Variants in LRSAM1 observed in about 807,000 individuals in gnomAD.
LRSAM1 encodes leucine rich repeat and sterile alpha motif containing 1, also known as E3 ubiquitin-protein ligase LRSAM1.
Under a neutral mutation model 118.1 loss-of-function variants are expected in LRSAM1, and 96 were observed. That is an observed-to-expected ratio of 0.81 (90% CI 0.69 to 0.96). The LOEUF (loss-of-function observed/expected upper bound fraction) is 0.96. LRSAM1 is among the 40% of genes least tolerant of loss of function. The pLI, the probability that LRSAM1 is intolerant of heterozygous loss-of-function variation, is 0.00. For synonymous variants in LRSAM1, 322 were observed against 364.2 expected, an observed-to-expected ratio of 0.88 and a Z score of 1.32; for missense variants, 804 against 915.5, an observed-to-expected ratio of 0.88 and a Z score of 1.57.
chr9:127,470,806 A>G lies in LRSAM1; in HGVS notation c.619+2976A>G, dbSNP rs1048334917. ...AGTCACCACAGAGCTTTGAACCAGC[A>G]CTGGTTCCTGGTCATGAGAGTGTGT... On this transcript the variant is annotated intron_variant, in intron 10 of 25. Transcript: ENST00000300417. 5.3e-5 allele frequency: 8 copies of G among 152,026 alleles called. 1 individual carries two copies. The highest frequency in any genetic ancestry group is 1.2e-4 in the Non-Finnish European group (8 of 67,936). 9.4% of individuals were successfully genotyped at this position (152,026 alleles called of 1,614,324 possible).
chr9:127,458,759 A>G (rs925909533), intron 6 of LRSAM1, among the ~76,000 whole-genome samples: 2 of 152,194 alleles, frequency 1.3e-5, no homozygotes, highest in African/African-American at 4.8e-5. Context: ...ATCTAGGCAT[A>G]CTGTTTTATA....
chr9:127,492,104 C>T (rs1835954910), intron 20 of LRSAM1, among the ~76,000 whole-genome samples: 1 of 152,204 alleles, frequency 6.6e-6, no homozygotes, highest in South Asian at 2.1e-4. Flanking sequence ...GTCTCAGGTG[C>T]ACCGCAGGTG....
At chr9:127,459,193 C>G (rs1281398909) in intron 7 of LRSAM1, 122 bp downstream of exon 7, 21 of 916,078 alleles carry the variant, frequency 2.3e-5, no homozygotes, top group East Asian at 2.5e-5. Flanking sequence ...AGTGCCAGCT[C>G]CACCCTCCCC....
rs2250271 is a variant in LRSAM1, at chr9:127,473,739, G to A, written c.620-62G>A. On this transcript the variant is annotated intron_variant, in intron 10 of 25. Coordinates refer to ENST00000300417, the MANE Select transcript of LRSAM1 (RefSeq NM_001005373.4). ...CCGGCTGCCCTGGCAGTGGGAGCGGGTGTCTCTGGGTACCTCAGCTGTCTC... is the reference window on the plus strand; with the variant it reads ...CCGGCTGCCCTGGCAGTGGGAGCGGATGTCTCTGGGTACCTCAGCTGTCTC... 158 of 1,612,592 alleles carry A rather than the reference G, an allele frequency of 9.8e-5. 1 individual carries two copies. Among genetic ancestry groups the A allele is most frequent in the Non-Finnish European group, 1.2e-4 (147 of 1,178,966 alleles).
rs1376461812 is a variant in LRSAM1, at chr9:127,484,810, CTTTTT to C, written c.1160-914_1160-910del. Among the ~76,000 whole-genome samples the C allele has an allele frequency of 3.0e-4, 40 of 135,216 alleles. 1 individual carries two copies. Among genetic ancestry groups the C allele is most frequent in the Admixed American group, 2.0e-3 (26 of 12,994 alleles). 88.7% of individuals were successfully genotyped at this position (135,216 alleles called of 152,430 possible). A position where few individuals can be genotyped will look rare whatever the true frequency, so the allele number is the denominator to read the frequency against. On this transcript the variant is annotated intron_variant, in intron 16 of 25. Transcript: ENST00000300417. ...TTAATTTTTTGATTTTTCTTTTTTT[CTTTTT>C]TTTTTTTTTTTGAGATAGGGTCTTG... is the stretch of plus-strand genomic sequence containing the variant.
intron 13 of LRSAM1, 107 bp from the exon 14 acceptor site, chr9:127,479,732 A>AG: frequency 2.0e-6 from 3 of 1,482,688 alleles, no homozygotes; most frequent in Non-Finnish European, 2.8e-6. Flanking sequence ...TCACACAAAA[A>AG]GGATTGGCAA....
At chr9:127,454,948 T>C (rs1834461233) in intron 3 of LRSAM1, 50 bp from the exon 4 acceptor site, 1 of 1,560,644 alleles carries the variant, frequency 6.4e-7, no homozygotes, top group Non-Finnish European at 8.8e-7. Context: ...TTGTCCACTC[T>C]GCAAAGGTGT....
chr9:127,463,725 G>C (rs1010363746), intron 9 of LRSAM1, among the ~76,000 whole-genome samples: 5 of 152,208 alleles, frequency 3.3e-5, no homozygotes, highest in African/African-American at 1.2e-4. Context: ...GGGGGACATA[G>C]TTCAGCCCAT....
At chr9:127,463,455 G>T (rs2132017751) in intron 9 of LRSAM1, among the ~76,000 whole-genome samples, 1 of 152,212 alleles carries the variant, frequency 6.6e-6, no homozygotes. Flanking sequence ...AGATCAAGGT[G>T]TTGGCAGGGT....
chr9:127,486,006 C>T (rs1835716548), intron 17 of LRSAM1, among the ~76,000 whole-genome samples, 171 bp downstream of exon 17: 1 of 152,232 alleles, frequency 6.6e-6, no homozygotes, highest in African/African-American at 2.4e-5. Context: ...TAGCCGGATC[C>T]ATGATTCAGT....
intron 5 of LRSAM1, among the ~76,000 whole-genome samples, chr9:127,456,623 G>C (rs1362172369): frequency 6.6e-6 from 1 of 152,092 alleles, no homozygotes; most frequent in Non-Finnish European, 1.5e-5. Flanking sequence ...CCAGCACTTC[G>C]GGAGGCCGAG....
chr9:127,489,611 A>G lies in LRSAM1; in HGVS notation c.1422+93A>G, dbSNP rs1158449474. The G allele has an allele frequency of 2.2e-6, 3 of 1,363,528 alleles. No homozygotes were observed. In the East Asian group the frequency reaches 7.5e-5, roughly 34 times the overall value. The allele number at this position is 1,363,528 out of a possible 1,614,324, so 84.5% of individuals were successfully genotyped here. Reference sequence around the variant, plus strand: ...GCAGGTCGCAGCAGTTGAGGTTTGAACCCCAGCTCCTTGGCTTGCTAGCCC... The same window carrying G: ...GCAGGTCGCAGCAGTTGAGGTTTGAGCCCCAGCTCCTTGGCTTGCTAGCCC... On this transcript the variant is annotated intron_variant, in intron 19 of 25. Coordinates refer to ENST00000300417, the MANE Select transcript of LRSAM1 (RefSeq NM_001005373.4).
chr9:127,455,015 A>C lies in LRSAM1; in HGVS notation c.90A>C (p.Ala30=). The C allele has an allele frequency of 6.2e-7, 1 of 1,614,204 alleles. No individual in the cohort carries two copies. The highest frequency in any genetic ancestry group is 8.5e-7 in the Non-Finnish European group (1 of 1,180,000). ...ATCCTTAGGCAAAAGAAGCTGGGGC[A>C]GATGACATTCTCGACATCTCTAAAT... ...YQMCLAKEAG[A]DDILDISKCE... is the part of the protein sequence containing the mutation. Residue 30 remains alanine (A), a synonymous_variant, in exon 4 of 26, where the codon GCA becomes GCC. Coordinates refer to ENST00000300417, the MANE Select transcript of LRSAM1 (RefSeq NM_001005373.4).
chr9:127,472,329 T>G, intron 10 of LRSAM1, among the ~76,000 whole-genome samples: 1 of 152,086 alleles, frequency 6.6e-6, no homozygotes, highest in East Asian at 1.9e-4. Flanking sequence ...GTGTAAAATT[T>G]GTTTTTTGAC....
At chr9:127,463,655 CCA>C (rs1263155607) in intron 9 of LRSAM1, among the ~76,000 whole-genome samples, 1 of 152,140 alleles carries the variant, frequency 6.6e-6, no homozygotes, top group East Asian at 1.9e-4. Flanking sequence ...GATGCTATCT[CCA>C]CATACAGCCA....
At chr9:127,468,597 C>T (rs1174275246) in intron 10 of LRSAM1, among the ~76,000 whole-genome samples, 2 of 152,106 alleles carry the variant, frequency 1.3e-5, no homozygotes, top group African/African-American at 4.8e-5. Flanking sequence ...TCTGGATCAA[C>T]TGGTTGTCCC....
At position 127,500,785 on chromosome 9, in the gene LRSAM1, C is replaced by G. The variant is rs373498848; in HGVS notation, c.1913-225C>G. On this transcript the variant is annotated intron_variant, in intron 24 of 25. Transcript: ENST00000300417. Reference sequence around the variant, plus strand: ...CCACTTAACAAGCGCTGCGGCCATCCCTGCAGAGAGAGACTTCACTCCCAT... The same window carrying G: ...CCACTTAACAAGCGCTGCGGCCATCGCTGCAGAGAGAGACTTCACTCCCAT... Among the ~76,000 whole-genome samples the G allele has an allele frequency of 6.6e-5, 10 of 152,304 alleles. No individual in the cohort carries two copies. The East Asian group carries it at 1.7e-3, about 26-fold the overall frequency.
intron 12 of LRSAM1, 138 bp downstream of exon 12, chr9:127,479,101 T>C: frequency 4.1e-6 from 4 of 979,802 alleles, no homozygotes; most frequent in Middle Eastern, 2.1e-4. Context: ...ACACGCAGTC[T>C]GCTGCATCCT....
intron 20 of LRSAM1, among the ~76,000 whole-genome samples, 162 bp downstream of exon 20, chr9:127,491,457 C>G (rs1401091074): frequency 1.3e-5 from 2 of 152,186 alleles, no homozygotes; most frequent in African/African-American, 4.8e-5. Context: ...AGAGGACACC[C>G]CCCAGCCCCA....
Sources: allele counts gnomAD v4.1 joint callset (sites outside exome capture counted in the v4.1 genomes callset), GRCh38; gene constraint gnomAD v4.1.1; transcripts MANE v1.5; gene names NCBI Gene and HGNC (gene_info 2026-07-23, HGNC 2026-07-21).